The following INTS7 variants were observed in gnomAD, a reference collection of about 807,000 sequenced individuals.
The protein encoded by INTS7 is chromosome 1 open reading frame 73.
In INTS7, 46 loss-of-function variants were observed where a neutral mutation model predicts 109.2. The observed-to-expected ratio is 0.42, with a 90% CI of 0.33 to 0.54. INTS7 has a LOEUF of 0.54. Ranked by LOEUF, INTS7 falls within the 20% of genes least tolerant of loss-of-function variation. The pLI, the probability that INTS7 is intolerant of heterozygous loss-of-function variation, is 0.07. For missense variants in INTS7, 929 were observed against 1,132.4 expected, an observed-to-expected ratio of 0.82 and a Z score of 2.58; for synonymous variants, 412 against 402.9, an observed-to-expected ratio of 1.02 and a Z score of -0.27.
chr1:212,034,817 G>A (rs1433023500), intron 1 of INTS7, among the ~76,000 whole-genome samples: 1 of 152,184 alleles, frequency 6.6e-6, no homozygotes, highest in Admixed American at 6.5e-5. Flanking sequence ...TCCCTGTACG[G>A]CAACAGAACT....
intron 16 of INTS7, among the ~76,000 whole-genome samples, chr1:211,965,195 A>C (rs951258837): frequency 1.1e-4 from 16 of 152,178 alleles, no homozygotes; most frequent in Non-Finnish European, 2.2e-4. Context: ...TAAAAAAAAA[A>C]AAACTCAACA....
At chr1:211,960,123 C>T (rs1169158552) in intron 16 of INTS7, among the ~76,000 whole-genome samples, 1 of 152,158 alleles carries the variant, frequency 6.6e-6, no homozygotes, top group Non-Finnish European at 1.5e-5. Flanking sequence ...AGTTCCTAGC[C>T]TCAAGGAGCC....
chr1:211,995,809 T>G (rs1280048327), intron 7 of INTS7, among the ~76,000 whole-genome samples: 1 of 151,788 alleles, frequency 6.6e-6, no homozygotes, highest in Non-Finnish European at 1.5e-5. Context: ...CACAAGGGAG[T>G]GTGGTCACCC....
chr1:211,956,800 G>A (rs1663380817), intron 16 of INTS7, among the ~76,000 whole-genome samples: 1 of 152,052 alleles, frequency 6.6e-6, no homozygotes, highest in East Asian at 1.9e-4. Context: ...TTCATTTGTG[G>A]ATATACTACA....
At chr1:212,005,920 CA>C (rs1443232312) in intron 7 of INTS7, among the ~76,000 whole-genome samples, 5 of 152,002 alleles carry the variant, frequency 3.3e-5, no homozygotes, top group African/African-American at 1.2e-4. Flanking sequence ...AACAAACAAA[CA>C]GAAAAACAAA....
chr1:211,958,354 T>C (rs1241450627), intron 16 of INTS7, among the ~76,000 whole-genome samples: 1 of 152,206 alleles, frequency 6.6e-6, no homozygotes, highest in Middle Eastern at 3.2e-3. Flanking sequence ...GCTTGTAATA[T>C]TTCTGATGAG....
intron 7 of INTS7, among the ~76,000 whole-genome samples, chr1:212,002,079 T>C (rs889270375): frequency 6.6e-6 from 1 of 152,250 alleles, no homozygotes. Flanking sequence ...CTTCAAGAAA[T>C]GAGTCTCCCA....
At chr1:211,997,710 C>A (rs1207919689) in intron 7 of INTS7, among the ~76,000 whole-genome samples, 1 of 151,666 alleles carries the variant, frequency 6.6e-6, no homozygotes, top group Admixed American at 6.6e-5. Flanking sequence ...GAAACCCCAT[C>A]TCTACTAAAA....
At chr1:211,981,288 G>A in intron 9 of INTS7, 98 bp from the exon 10 acceptor site, 1 of 690,962 alleles carries the variant, frequency 1.4e-6, no homozygotes, top group Non-Finnish European at 2.5e-6. Context: ...AAAACATTAA[G>A]GAGTTTAAGA....
intron 6 of INTS7, among the ~76,000 whole-genome samples, chr1:212,006,974 T>A (rs1376385820): frequency 3.3e-5 from 5 of 152,140 alleles, no homozygotes; most frequent in Non-Finnish European, 7.4e-5. Flanking sequence ...GCCCTGGCAT[T>A]TTACAGATAC....
chr1:212,006,711 C>G lies in INTS7; in HGVS notation c.807G>C (p.Lys269Asn). Residue 269 changes from lysine to asparagine, a missense_variant, in exon 7 of 20, where the codon AAG becomes AAC. Physicochemically the swap from Lys to Asn is moderately conservative, Grantham distance 94. Transcript: ENST00000366994. ...ATTTCAGATCTTGAATAGCAAGTCT[C>G]TTTACTGCCTTCCTGGGATCATTCT... ...YLKNDPRKAV[K>N]RLAIQDLKLL... 6.2e-7 allele frequency: 1 copy of G among 1,603,460 alleles called. No individual in the cohort carries two copies.
chr1:211,962,282 A>G (rs1663669334), intron 16 of INTS7, among the ~76,000 whole-genome samples: 1 of 131,218 alleles, frequency 7.6e-6, no homozygotes, highest in Admixed American at 7.4e-5. Flanking sequence ...AAAAAAAAAA[A>G]GACAAGGGTA....
At chr1:211,960,333 A>C (rs2788131) in intron 16 of INTS7, among the ~76,000 whole-genome samples, 5,759 of 152,230 alleles carry the variant, frequency 0.038, 142 homozygotes, top group African/African-American at 0.055. Flanking sequence ...AGATCGAAGG[A>C]CCATCAGCCC....
chr1:211,975,721 G>C (rs1293665953), intron 12 of INTS7, among the ~76,000 whole-genome samples: 1 of 152,174 alleles, frequency 6.6e-6, no homozygotes, highest in Non-Finnish European at 1.5e-5. Flanking sequence ...GTGGGTGAGA[G>C]AAACCCCAGG....
In INTS7 at chr1:211,941,689, C is replaced by A. The variant is rs1030948590; in HGVS notation, c.*135G>T. On this transcript the variant is annotated 3_prime_UTR_variant, in exon 20 of 20. Coordinates refer to ENST00000366994, the MANE Select transcript of INTS7 (RefSeq NM_015434.4). ...ATTTTTAAGAAAACAAAATTTTTTC[C>A]AGAATATTACATTACAAAAATCAAT... The A allele has an allele frequency of 7.3e-7, 1 of 1,361,420 alleles. No individual in the cohort carries two copies. Among genetic ancestry groups the A allele is most frequent in the Non-Finnish European group, 9.8e-7 (1 of 1,015,244 alleles). 84.3% of individuals were successfully genotyped at this position (1,361,420 alleles called of 1,614,324 possible).
chr1:212,022,741 A>C (rs1666763087), intron 1 of INTS7, among the ~76,000 whole-genome samples: 1 of 152,104 alleles, frequency 6.6e-6, no homozygotes, highest in African/African-American at 2.4e-5. Context: ...TCTTTCCTTT[A>C]CTTTTCATTT....
At chr1:212,005,572 A>T (rs567407375) in intron 7 of INTS7, among the ~76,000 whole-genome samples, 1 of 152,338 alleles carries the variant, frequency 6.6e-6, no homozygotes, top group East Asian at 1.9e-4. Flanking sequence ...AAAAATGAGA[A>T]GGAATAATAC....
chr1:211,990,485 G>A (rs1665097602), intron 7 of INTS7, among the ~76,000 whole-genome samples: 1 of 152,158 alleles, frequency 6.6e-6, no homozygotes, highest in South Asian at 2.1e-4. Flanking sequence ...CTGCAGAGGA[G>A]ACCTGAGAAG....
chr1:212,016,139 T>C (rs3009986), intron 4 of INTS7, among the ~76,000 whole-genome samples: 6,595 of 152,326 alleles, frequency 0.043, 193 homozygotes, highest in African/African-American at 0.074. Flanking sequence ...ATTTCTTTTG[T>C]TGTTACAAGT....
Sources: allele counts gnomAD v4.1 joint callset (sites outside exome capture counted in the v4.1 genomes callset), GRCh38; gene constraint gnomAD v4.1.1; transcripts MANE v1.5; gene names NCBI Gene and HGNC (gene_info 2026-07-23, HGNC 2026-07-21).